The following AIM2 variants were observed in gnomAD, a reference collection of about 807,000 sequenced individuals.
The protein encoded by AIM2 is absent in melanoma 2, also known as interferon-inducible protein AIM2.
A neutral mutation model predicts 27.7 loss-of-function variants in AIM2; 30 were observed. The ratio of observed to expected loss-of-function variants is 1.08; its 90% CI spans 0.81 to 1.47. The LOEUF (loss-of-function observed/expected upper bound fraction) is 1.47, where lower values mean the gene tolerates loss of function less well. Among genes scored for constraint, AIM2 ranks in the 40% most tolerant of loss-of-function variants. The pLI is 0.00. For synonymous variants in AIM2, 141 were observed against 145.3 expected (o/e 0.97, Z 0.21); for missense variants, 358 against 411.3 (o/e 0.87, Z 1.12).
intron 1 of AIM2, among the ~76,000 whole-genome samples, chr1:159,104,607 G>A (rs1440838070): frequency 2.6e-5 from 4 of 152,184 alleles, no homozygotes; most frequent in Non-Finnish European, 5.9e-5. Flanking sequence ...AGTGTCTTAT[G>A]AGTGATTTTT....
intron 5 of AIM2, 33 bp downstream of exon 5, chr1:159,063,453 T>C (rs1440011678): frequency 1.3e-6 from 2 of 1,585,152 alleles, no homozygotes; most frequent in South Asian, 1.2e-5. Flanking sequence ...ATCACCCCCT[T>C]GGAGAGTTGA....
chr1:159,139,518 A>G (rs187467569), intron 1 of AIM2, among the ~76,000 whole-genome samples: 12 of 152,290 alleles, frequency 7.9e-5, no homozygotes, highest in Non-Finnish European at 1.8e-4. Flanking sequence ...AGGAAAGACA[A>G]TATACTCTTT....
At chr1:159,144,769 G>C (rs572357350), upstream of AIM2, among the ~76,000 whole-genome samples, 1 of 152,124 alleles carries the variant, frequency 6.6e-6, no homozygotes, top group South Asian at 2.1e-4. Flanking sequence ...AGGTGTTGCT[G>C]GGATACATAT....
intron 1 of AIM2, among the ~76,000 whole-genome samples, chr1:159,113,166 G>A (rs1404081448): frequency 1.3e-5 from 2 of 151,982 alleles, no homozygotes; most frequent in African/African-American, 2.4e-5. Flanking sequence ...GGATGGTCTC[G>A]ATCTCTTTAC....
At chr1:159,062,478 C>T, downstream of AIM2, 1 of 579,048 alleles carries the variant, frequency 1.7e-6, no homozygotes, top group South Asian at 2.2e-5. Flanking sequence ...GATAGTGGGA[C>T]TGTAATGAAT....
intron 1 of AIM2, among the ~76,000 whole-genome samples, chr1:159,117,195 C>T (rs769783230): frequency 6.6e-6 from 1 of 151,976 alleles, no homozygotes; most frequent in Non-Finnish European, 1.5e-5. Context: ...ATTTTAAAAA[C>T]GGAGGAGACA....
At chr1:159,063,764 A>G in intron 4 of AIM2, 90 bp from the exon 5 acceptor site, 7 of 1,316,912 alleles carry the variant, frequency 5.3e-6, no homozygotes, top group Non-Finnish European at 7.4e-6. Flanking sequence ...AGAAGGCTCT[A>G]AAAAGAAATC....
At chr1:159,073,564 T>G (rs112830853) in intron 1 of AIM2, 45 bp from the exon 2 acceptor site, 5 of 1,516,824 alleles carry the variant, frequency 3.3e-6, no homozygotes, top group African/African-American at 1.4e-5. Flanking sequence ...CCAAAAGTGA[T>G]TCTACATTCA....
chr1:159,095,933 G>T (rs886618619), intron 1 of AIM2, among the ~76,000 whole-genome samples: 2 of 152,164 alleles, frequency 1.3e-5, no homozygotes, highest in African/African-American at 4.8e-5. Flanking sequence ...ATTGCAAAGA[G>T]TATGGAATTA....
intron 1 of AIM2, among the ~76,000 whole-genome samples, chr1:159,119,796 T>TTGTG: frequency 6.6e-6 from 1 of 150,662 alleles, no homozygotes; most frequent in South Asian, 2.1e-4. Flanking sequence ...GTGCATGTGT[T>TTGTG]TGTGTGTGTG....
At chr1:159,124,956 G>A (rs531339350) in intron 1 of AIM2, among the ~76,000 whole-genome samples, 293 of 152,240 alleles carry the variant, frequency 1.9e-3, no homozygotes, top group African/African-American at 6.5e-3. Context: ...TCCCACCTTC[G>A]AGTGATGCCT....
In AIM2 at chr1:159,064,377, G is replaced by C. The variant is rs903175232; in HGVS notation, c.817-703C>G. 2.6e-5 allele frequency among the ~76,000 whole-genome samples: 4 copies of C among 152,218 alleles called. No homozygotes were observed. The East Asian group carries it at 5.8e-4, about 22-fold the overall frequency. On this transcript the variant is annotated intron_variant, in intron 4 of 5. Coordinates refer to ENST00000368130, the MANE Select transcript of AIM2 (RefSeq NM_004833.3). ...GTGGCCCATAGAAGCAACAACTGCT[G>C]GATAGAGAAGATGGAGCTTCTCCAG...
upstream of AIM2, among the ~76,000 whole-genome samples, chr1:159,144,049 T>C (rs551983007): frequency 6.6e-6 from 1 of 152,290 alleles, no homozygotes; most frequent in South Asian, 2.1e-4. Flanking sequence ...TCTGAGAAAA[T>C]TGCTTAACTC....
intron 1 of AIM2, among the ~76,000 whole-genome samples, chr1:159,094,582 C>T (rs1186654672): frequency 6.6e-6 from 1 of 152,152 alleles, no homozygotes; most frequent in Non-Finnish European, 1.5e-5. Context: ...CCAGTAATCC[C>T]TGCTACTCGG....
intron 3 of AIM2, among the ~76,000 whole-genome samples, chr1:159,067,416 G>T (rs548808384): frequency 6.6e-6 from 1 of 152,294 alleles, no homozygotes; most frequent in African/African-American, 2.4e-5. Context: ...AACAAACAGA[G>T]GCATAAAAAG....
intron 1 of AIM2, among the ~76,000 whole-genome samples, chr1:159,106,698 C>A (rs1183503427): frequency 6.6e-6 from 1 of 152,208 alleles, no homozygotes; most frequent in Non-Finnish European, 1.5e-5. Flanking sequence ...CCAAAAGGAA[C>A]AACTAATGCA....
chr1:159,093,347 T>A (rs1174525094), intron 1 of AIM2, among the ~76,000 whole-genome samples: 1 of 152,184 alleles, frequency 6.6e-6, no homozygotes, highest in Non-Finnish European at 1.5e-5. Flanking sequence ...CACACTGAAT[T>A]CTGGGAGAAA....
chr1:159,145,365 AT>A (rs1157708769), upstream of AIM2, among the ~76,000 whole-genome samples: 1 of 152,150 alleles, frequency 6.6e-6, no homozygotes, highest in Non-Finnish European at 1.5e-5. Flanking sequence ...ATAATAAAGC[AT>A]TTATGTTCCC....
chr1:159,068,042 G>A (rs1391869495), intron 3 of AIM2, among the ~76,000 whole-genome samples: 1 of 151,960 alleles, frequency 6.6e-6, no homozygotes, highest in Non-Finnish European at 1.5e-5. Context: ...ACAAACAGAG[G>A]CATGCCAGAC....
Sources: allele counts gnomAD v4.1 joint callset (sites outside exome capture counted in the v4.1 genomes callset), GRCh38; gene constraint gnomAD v4.1.1; transcripts MANE v1.5; gene names NCBI Gene and HGNC (gene_info 2026-07-23, HGNC 2026-07-21).